The following CLUAP1 variants were observed in gnomAD, a reference collection of about 807,000 sequenced individuals.
CLUAP1 encodes clusterin-associated protein 1.
CLUAP1 carries 50 observed loss-of-function variants against 55.0 expected under a neutral mutation model. The ratio of observed to expected loss-of-function variants is 0.91; its 90% CI spans 0.72 to 1.15. The LOEUF (loss-of-function observed/expected upper bound fraction) is 1.15, where lower values mean the gene tolerates loss of function less well. CLUAP1 is among the 50% of genes most tolerant of loss of function. CLUAP1 has a pLI of 0.00. For synonymous variants in CLUAP1, 195 were observed against 175.4 expected (o/e 1.11, Z -0.88); for missense variants, 530 against 507.6 (o/e 1.04, Z -0.42).
At chr16:3,504,255 G>A (rs749789496) in intron 1 of CLUAP1, among the ~76,000 whole-genome samples, 14 of 151,992 alleles carry the variant, frequency 9.2e-5, no homozygotes, top group Non-Finnish European at 1.5e-4. Flanking sequence ...TAAAAAAAAA[G>A]ACAACTCAGA....
chr16:3,508,526 A>G (rs1365137077), intron 4 of CLUAP1, 58 bp downstream of exon 4: 4 of 1,433,442 alleles, frequency 2.8e-6, no homozygotes, highest in East Asian at 2.6e-5. Flanking sequence ...TGAGCTCTGA[A>G]GTGGAAGGAG....
upstream of CLUAP1, among the ~76,000 whole-genome samples, chr16:3,499,277 G>T (rs921612007): frequency 1.3e-5 from 2 of 152,202 alleles, no homozygotes; most frequent in Non-Finnish European, 2.9e-5. Context: ...CCCTGGAGGC[G>T]GAGGTTTCAG....
At chr16:3,524,312 A>G (rs1369527014) in intron 8 of CLUAP1, among the ~76,000 whole-genome samples, 1 of 151,522 alleles carries the variant, frequency 6.6e-6, no homozygotes, top group East Asian at 1.9e-4. Context: ...AAAAAGAAAA[A>G]AAAAAAGGGC....
intron 8 of CLUAP1, among the ~76,000 whole-genome samples, chr16:3,523,581 G>A (rs1000815939): frequency 2.0e-5 from 3 of 152,292 alleles, no homozygotes; most frequent in South Asian, 2.1e-4. Flanking sequence ...ACCCTGTGCC[G>A]ACATGGGGCC....
rs140896019 is a variant in CLUAP1, at chr16:3,519,921, A to G, written c.598A>G (p.Lys200Glu). The G allele has an allele frequency of 2.5e-4, 397 of 1,608,406 alleles. No individual in the cohort carries two copies. Among genetic ancestry groups the G allele is most frequent in the Non-Finnish European group, 2.7e-4 (316 of 1,178,484 alleles). The change falls in exon 7 of 12, where the codon AAA becomes GAA. Residue 200 changes from lysine to glutamate, a missense_variant. Coordinates refer to ENST00000576634, the MANE Select transcript of CLUAP1 (RefSeq NM_015041.3). The part of the protein sequence containing the change: ...KEILTQVQKT[K>E]DLLNNVASDE... ...AATATAGACACAGGTTCAGAAGACT[A>G]AAGACCTGCTCAATAATGTGGCCTC...
intron 7 of CLUAP1, among the ~76,000 whole-genome samples, chr16:3,521,973 CACCTGAGCCCAGGCGTTCG>C (rs1458387938): frequency 6.6e-6 from 1 of 151,914 alleles, no homozygotes; most frequent in Non-Finnish European, 1.5e-5. Context: ...ACAGGAGGAT[CACCTGAGCCCAGGCGTTCG>C]ATGCTGCAGT....
chr16:3,532,408 T>TG (rs2038141483), intron 10 of CLUAP1, among the ~76,000 whole-genome samples: 1 of 79,618 alleles, frequency 1.3e-5, no homozygotes, highest in Non-Finnish European at 2.3e-5. Flanking sequence ...AGTTGCTTTT[T>TG]TTTTTTTTTT....
chr16:3,530,516 C>A, intron 9 of CLUAP1, 52 bp from the exon 10 acceptor site: 1 of 1,323,998 alleles, frequency 7.6e-7, no homozygotes, highest in Non-Finnish European at 1.1e-6. Flanking sequence ...AGAGCTGTTT[C>A]GTTGTGATCA....
chr16:3,529,846 A>AT (rs1166106696), intron 9 of CLUAP1, among the ~76,000 whole-genome samples: 1 of 61,600 alleles, frequency 1.6e-5, no homozygotes, highest in Non-Finnish European at 2.9e-5. Context: ...TATATTATAT[A>AT]ATATATATTT....
At chr16:3,517,653 C>T (rs2037753864) in intron 6 of CLUAP1, among the ~76,000 whole-genome samples, 1 of 152,156 alleles carries the variant, frequency 6.6e-6, no homozygotes, top group Non-Finnish European at 1.5e-5. Flanking sequence ...AGAGTCACTT[C>T]TCAGGGAGAA....
At position 3,515,549 on chromosome 16, in the gene CLUAP1, C is replaced by A; in HGVS notation, c.537C>A (p.Asn179Lys). ...CCATTGCCAGACCTCTGGAAATAAA[C>A]GAGACTGAAAAAGTGATGAGAATTG... ...TEAIARPLEI[N>K]ETEKVMRIAI... The change falls in exon 6 of 12, where the codon AAC (asparagine) becomes AAA (lysine). Residue 179 changes from asparagine to lysine, a missense_variant. Coordinates refer to ENST00000576634, the MANE Select transcript of CLUAP1 (RefSeq NM_015041.3). The A allele has an allele frequency of 6.3e-7, 1 of 1,599,526 alleles. No individual in the cohort carries two copies. The highest frequency in any genetic ancestry group is 1.8e-5 in the Admixed American group (1 of 55,212).
chr16:3,530,713 CCT>C (rs752266517), intron 10 of CLUAP1, 38 bp downstream of exon 10: 54 of 1,537,610 alleles, frequency 3.5e-5, no homozygotes, highest in Middle Eastern at 3.6e-4. Context: ...CTCCCTGCGC[CCT>C]GTTTCACAGA....
chr16:3,523,469 A>C (rs918243593), intron 8 of CLUAP1, among the ~76,000 whole-genome samples, 170 bp downstream of exon 8: 5 of 152,164 alleles, frequency 3.3e-5, no homozygotes, highest in African/African-American at 1.2e-4. Context: ...GGCAGTGTAC[A>C]CTGGACTCCA....
In CLUAP1 at chr16:3,515,499, G is replaced by T. The variant is rs201187603; in HGVS notation, c.496-9G>T. The T allele has an allele frequency of 1.9e-6, 3 of 1,573,756 alleles. No homozygotes were observed. Among genetic ancestry groups the T allele is most frequent in the Non-Finnish European group, 2.6e-6 (3 of 1,160,120 alleles). On this transcript the variant is annotated splice_polypyrimidine_tract_variant and intron_variant, in intron 5 of 11. Transcript: ENST00000576634. ...GAAAATATACGTAAATGATTTTACT[G>T]TTTCCTAGGAAATGAGAACAGAAGC...
chr16:3,496,212 C>A, upstream of CLUAP1: 1 of 581,724 alleles, frequency 1.7e-6, no homozygotes, highest in Non-Finnish European at 3.3e-6. Flanking sequence ...TGGGAGCTGA[C>A]GTCCGCCACA....
intron 9 of CLUAP1, among the ~76,000 whole-genome samples, chr16:3,527,125 C>A (rs1301475187): frequency 6.6e-6 from 1 of 151,968 alleles, no homozygotes; most frequent in Non-Finnish European, 1.5e-5. Flanking sequence ...GGCAAGCCGC[C>A]CAGGTGCCGA....
In CLUAP1 at chr16:3,518,520, T is replaced by G. The variant is rs192768978; in HGVS notation, c.580-1383T>G. Among the ~76,000 whole-genome samples, 9 of 152,342 alleles carry G rather than the reference T, an allele frequency of 5.9e-5. No homozygotes were observed. In the East Asian group the frequency reaches 1.7e-3, roughly 29 times the overall value. On this transcript the variant is annotated intron_variant, in intron 6 of 11. Coordinates refer to ENST00000576634, the MANE Select transcript of CLUAP1 (RefSeq NM_015041.3). Reference sequence around the variant, plus strand: ...TTACACAGCTGTTTTGCATTGTGGATCTTTCTTGTTTGAGGAACAGATATG... The same window carrying G: ...TTACACAGCTGTTTTGCATTGTGGAGCTTTCTTGTTTGAGGAACAGATATG...
chr16:3,517,891 C>T (rs1165564457), intron 6 of CLUAP1, among the ~76,000 whole-genome samples: 3 of 152,130 alleles, frequency 2.0e-5, no homozygotes, highest in Admixed American at 6.6e-5. Flanking sequence ...GCTGAGGGGG[C>T]ATTTCAGACT....
Position 3,501,825 on chromosome 16 carries a change from G to T in CLUAP1, c.22+736G>T, listed in dbSNP as rs975047559. ...CAACCAGCAACGAAACCGAGGAGAG[G>T]AGGCTGGGTGATAATCATTGCGGCT... On this transcript the variant is annotated intron_variant, in intron 1 of 11. Coordinates refer to ENST00000576634, the MANE Select transcript of CLUAP1 (RefSeq NM_015041.3). Among the ~76,000 whole-genome samples, 11 of 152,130 alleles carry T rather than the reference G, an allele frequency of 7.2e-5. No homozygotes were observed. In the South Asian group the frequency reaches 1.2e-3, roughly 17 times the overall value.
Sources: allele counts gnomAD v4.1 joint callset (sites outside exome capture counted in the v4.1 genomes callset), GRCh38; gene constraint gnomAD v4.1.1; transcripts MANE v1.5; gene names NCBI Gene and HGNC (gene_info 2026-07-23, HGNC 2026-07-21).